Variants in DIAPH3 observed in about 807,000 individuals in gnomAD.
DIAPH3 encodes the protein protein diaphanous homolog 3.
A neutral mutation model predicts 144.3 loss-of-function variants in DIAPH3; 117 were observed. The ratio of observed to expected loss-of-function variants is 0.81; its 90% CI spans 0.70 to 0.95. DIAPH3 has a LOEUF of 0.95. Among genes scored for constraint, DIAPH3 ranks in the 40% least tolerant of loss-of-function variants. The pLI, the probability that DIAPH3 is intolerant of heterozygous loss-of-function variation, is 0.00. For missense variants in DIAPH3, 1,421 were observed against 1,412.7 expected, an observed-to-expected ratio of 1.01 and a Z score of -0.09; for synonymous variants, 519 against 488.9, an observed-to-expected ratio of 1.06 and a Z score of -0.81.
At chr13:59,996,845 A>G (rs1280916127) in intron 9 of DIAPH3, among the ~76,000 whole-genome samples, 3 of 152,108 alleles carry the variant, frequency 2.0e-5, no homozygotes, top group Admixed American at 6.6e-5. Flanking sequence ...CACTACATCT[A>G]CATCACTGAA....
At chr13:60,003,833 G>A (rs1044024884) in intron 9 of DIAPH3, among the ~76,000 whole-genome samples, 1 of 151,994 alleles carries the variant, frequency 6.6e-6, no homozygotes, top group African/African-American at 2.4e-5. Flanking sequence ...GTCTGTCTCG[G>A]CCTCCCAAAG....
chr13:59,780,221 T>C (rs1008096572), intron 25 of DIAPH3, among the ~76,000 whole-genome samples: 1 of 152,074 alleles, frequency 6.6e-6, no homozygotes, highest in Non-Finnish European at 1.5e-5. Flanking sequence ...AGTGTATATA[T>C]GAGTTACTGG....
At chr13:59,791,253 A>C (rs1487158548) in intron 25 of DIAPH3, among the ~76,000 whole-genome samples, 1 of 152,186 alleles carries the variant, frequency 6.6e-6, no homozygotes, top group Non-Finnish European at 1.5e-5. Flanking sequence ...TACGGGTGTG[A>C]GCCATCATTC....
At chr13:59,792,125 C>A (rs1190800162) in intron 25 of DIAPH3, among the ~76,000 whole-genome samples, 1 of 152,184 alleles carries the variant, frequency 6.6e-6, no homozygotes, top group Non-Finnish European at 1.5e-5. Flanking sequence ...TACTTGGAAA[C>A]TGGACAGATG....
In DIAPH3 at chr13:59,754,673, C is replaced by T. The variant is rs370142048; in HGVS notation, c.3319+19516G>A. 9.9e-5 allele frequency among the ~76,000 whole-genome samples: 15 copies of T among 152,154 alleles called. 1 individual carries two copies. The highest frequency in any genetic ancestry group is 5.9e-4 in the Admixed American group (9 of 15,278). On this transcript the variant is annotated intron_variant, in intron 27 of 27. Transcript: ENST00000400324. ...CTCTAGTTTGTAAAAATGGAAGGTT[C>T]CACATTAGCTTAATTAGTCACTGAA...
chr13:60,031,723 T>G (rs2054807184), intron 5 of DIAPH3, among the ~76,000 whole-genome samples: 1 of 142,754 alleles, frequency 7.0e-6, no homozygotes, highest in Non-Finnish European at 1.5e-5. Context: ...AGTAGGGCAG[T>G]CATTAAATCT....
intron 22 of DIAPH3, among the ~76,000 whole-genome samples, chr13:59,845,168 C>T (rs1159060841): frequency 6.6e-6 from 1 of 151,944 alleles, no homozygotes; most frequent in Non-Finnish European, 1.5e-5. Context: ...GCCTCAGTCT[C>T]CTGAGTAGCT....
chr13:59,826,643 G>C (rs1211951099), intron 24 of DIAPH3, among the ~76,000 whole-genome samples: 140 of 151,416 alleles, frequency 9.2e-4, no homozygotes, highest in African/African-American at 2.6e-3. Context: ...TCCCCATCAA[G>C]CTACCAATGA....
At chr13:59,974,507 C>T (rs1160430444) in intron 14 of DIAPH3, 51 bp from the exon 15 acceptor site, 6 of 1,423,160 alleles carry the variant, frequency 4.2e-6, no homozygotes, top group Non-Finnish European at 3.9e-6. Context: ...AAATGAAAAG[C>T]ACTATTCTTC....
At chr13:60,006,051 A>C (rs1225195861) in intron 9 of DIAPH3, among the ~76,000 whole-genome samples, 3 of 152,224 alleles carry the variant, frequency 2.0e-5, no homozygotes, top group Non-Finnish European at 2.9e-5. Context: ...CTTCAATAAA[A>C]GCAGAACTAC....
Position 59,970,967 on chromosome 13 carries a change from G to A in DIAPH3, c.1844C>T (p.Pro615Leu). The part of the protein sequence containing the change: ...PFSGPVPPPP[P>L]LGFLGGQNSP... ...ATTTTGTCCTCCAAGGAATCCCAGG[G>A]GAGGTGGTGGAGGCACAGGACCACT... Residue 615 changes from proline (P) to leucine (L), a missense_variant, in exon 16 of 28, where the codon CCC becomes CTC. Coordinates refer to ENST00000400324, the MANE Select transcript of DIAPH3 (RefSeq NM_001042517.2). 3 of 1,613,932 alleles carry A rather than the reference G, an allele frequency of 1.9e-6. No individual in the cohort carries two copies. Among genetic ancestry groups the A allele is most frequent in the Non-Finnish European group, 2.5e-6 (3 of 1,179,982 alleles).
At chr13:59,680,095 GTGT>G (rs1292098175) in intron 27 of DIAPH3, among the ~76,000 whole-genome samples, 4 of 152,136 alleles carry the variant, frequency 2.6e-5, no homozygotes, top group African/African-American at 9.7e-5. Context: ...GAACTCAGAA[GTGT>G]TGTCTCAAAA....
At chr13:59,984,485 A>C (rs1263832338) in intron 12 of DIAPH3, among the ~76,000 whole-genome samples, 3 of 151,764 alleles carry the variant, frequency 2.0e-5, no homozygotes, top group Non-Finnish European at 2.9e-5. Context: ...TCATGTTGTC[A>C]TTACAGTTAA....
At chr13:60,143,475 A>C (rs1174253329) in intron 1 of DIAPH3, among the ~76,000 whole-genome samples, 1 of 152,180 alleles carries the variant, frequency 6.6e-6, no homozygotes, top group Non-Finnish European at 1.5e-5. Flanking sequence ...AGAAAAGACC[A>C]TGGTACACAA....
At chr13:59,809,292 A>G (rs549896795) in intron 25 of DIAPH3, among the ~76,000 whole-genome samples, 211 of 152,300 alleles carry the variant, frequency 1.4e-3, no homozygotes, top group African/African-American at 4.7e-3. Context: ...ACCTGAGGTC[A>G]GGAGTTAAAG....
chr13:59,833,235 G>A lies in DIAPH3; in HGVS notation c.2899C>T (p.Leu967Phe). ...VISAKEQYET[L>F]SKLHENMEKL... ...TCCATGTTTTCGTGTAACTTCGAAA[G>A]TGTCTCATATTGTTCTTTTGCACTG... The change falls in exon 24 of 28, where the codon CTT becomes TTT. Residue 967 changes from leucine to phenylalanine, a missense_variant. Physicochemically the swap from Leu to Phe is conservative, Grantham distance 22. Coordinates refer to ENST00000400324, the MANE Select transcript of DIAPH3 (RefSeq NM_001042517.2). 1 of 1,609,352 alleles carries A rather than the reference G, an allele frequency of 6.2e-7. No individual in the cohort carries two copies. The highest frequency in any genetic ancestry group is 8.5e-7 in the Non-Finnish European group (1 of 1,177,236).
At chr13:59,842,446 T>C (rs895229405) in intron 22 of DIAPH3, among the ~76,000 whole-genome samples, 1 of 152,124 alleles carries the variant, frequency 6.6e-6, no homozygotes, top group Admixed American at 6.6e-5. Flanking sequence ...CCAAATACAT[T>C]GTTCCAACAC....
At chr13:59,774,413 C>A (rs942931567) in intron 26 of DIAPH3, among the ~76,000 whole-genome samples, 165 bp from the exon 27 acceptor site, 4 of 152,072 alleles carry the variant, frequency 2.6e-5, no homozygotes, top group African/African-American at 9.7e-5. Flanking sequence ...CTTTTACTTC[C>A]CATTTAATTA....
intron 3 of DIAPH3, among the ~76,000 whole-genome samples, chr13:60,103,517 A>G (rs2058331871): frequency 6.6e-6 from 1 of 152,236 alleles, no homozygotes; most frequent in East Asian, 1.9e-4. Flanking sequence ...GAGCATGACT[A>G]GCATTACAAA....
Sources: gnomAD v4.1 joint callset for allele counts (sites outside exome capture counted in the v4.1 genomes callset) on GRCh38, gnomAD v4.1.1 for gene constraint, MANE v1.5 for transcripts, NCBI Gene and HGNC (gene_info 2026-07-23, HGNC 2026-07-21) for gene names.